Variants in AIPL1 observed in about 807,000 individuals in gnomAD.
AIPL1 encodes the protein aryl-hydrocarbon-interacting protein-like 1.
A neutral mutation model predicts 32.9 loss-of-function variants in AIPL1; 23 were observed. The observed-to-expected ratio is 0.70, with a 90% confidence interval of 0.50 to 0.99. The LOEUF (loss-of-function observed/expected upper bound fraction) is 0.99. AIPL1 is among the 50% of genes least tolerant of loss of function. The pLI is 0.00. For synonymous variants in AIPL1, 210 were observed against 209.4 expected, an observed-to-expected ratio of 1.00 and a Z score of -0.02; for missense variants, 485 against 506.0, an observed-to-expected ratio of 0.96 and a Z score of 0.40.
Position 6,435,048 on chromosome 17 carries a change from C to T in AIPL1, c.57G>A (p.Gly19=), listed in dbSNP as rs1597342903. ...VEGVKKTILH[G]GTGELPNFIT... is the part of the protein sequence containing the mutation. The stretch of plus-strand genomic sequence containing the variant: ...TGAAGTTTGGGAGCTCGCCCGTGCC[C>T]CCGTGCAGAATGGTTTTCTTGACCC... Residue 19 remains glycine, a synonymous_variant, in exon 1 of 6, where the codon GGG becomes GGA. Transcript: ENST00000381129. The T allele has an allele frequency of 6.2e-7, 1 of 1,614,198 alleles. No individual in the cohort carries two copies. The highest frequency in any genetic ancestry group is 8.5e-7 in the Non-Finnish European group (1 of 1,180,026).
intron 1 of AIPL1, 97 bp from the exon 2 acceptor site, chr17:6,434,195 T>C: frequency 7.4e-7 from 1 of 1,357,712 alleles, no homozygotes; most frequent in Non-Finnish European, 1.0e-6. Flanking sequence ...GTCCCCAGGG[T>C]CAGCTCACTC....
intron 2 of AIPL1, 138 bp downstream of exon 2, chr17:6,433,781 G>A (rs1912865295): frequency 1.8e-6 from 2 of 1,096,398 alleles, no homozygotes; most frequent in Admixed American, 2.0e-5. Context: ...GCACAGCGGT[G>A]GGGAATAAGT....
rs1278686032 is a variant in AIPL1, at chr17:6,425,534, C to G, written c.1081G>C (p.Glu361Gln). The G allele has an allele frequency of 5.0e-6, 8 of 1,612,174 alleles. No individual in the cohort carries two copies. In the Middle Eastern group the frequency reaches 6.6e-4, roughly 134 times the overall value. ...TCTGCAGGGGGCCCTGCGGACAGCT[C>G]TGCAGATGGTGCTGTGGGTGGCTCT... ...PAEPPTAPSA[E>Q]LSAGPPAEPA... The change falls in exon 6 of 6, where the codon GAG becomes CAG. Residue 361 changes from glutamate to glutamine, a missense_variant. Glu to Gln is a conservative substitution (Grantham distance 29). Transcript: ENST00000381129.
rs961540618 is a variant in AIPL1, at chr17:6,429,420, G to A, written c.277-914C>T. Among the ~76,000 whole-genome samples, 2 of 152,230 alleles carry A rather than the reference G, an allele frequency of 1.3e-5. 1 individual carries two copies. The highest frequency in any genetic ancestry group is 4.1e-4 in the South Asian group (2 of 4,832). On this transcript the variant is annotated intron_variant, in intron 2 of 5. Transcript: ENST00000381129. ...TCACCCTGCCCGCCCCACCGGCCGG[G>A]ATTAGCCCGAAATGCCTTCTGCCTC...
At position 6,433,804 on chromosome 17, in the gene AIPL1, C is replaced by CTTTG. The variant is rs1912868416; in HGVS notation, c.276+111_276+114dup. The CTTTG allele has an allele frequency of 3.8e-6, 5 of 1,325,202 alleles. No individual in the cohort carries two copies. The South Asian group carries it at 6.3e-5, about 17-fold the overall frequency. 82.1% of individuals were successfully genotyped at this position (1,325,202 alleles called of 1,614,324 possible). On this transcript the variant is annotated intron_variant, in intron 2 of 5. Coordinates refer to ENST00000381129, the MANE Select transcript of AIPL1 (RefSeq NM_014336.5). ...GTGGGGAATAAGTTTGCAGGACTGGCTTTGCAAAGCTTCGCTTGAGTCCCA... is the reference window on the plus strand; with the variant it reads ...GTGGGGAATAAGTTTGCAGGACTGGCTTTGTTTGCAAAGCTTCGCTTGAGTCCCA...
rs62635774 is a variant in AIPL1 at position 6,433,961 on chromosome 17, G to A, written c.234C>T (p.Ser78=). 429 of 1,613,838 alleles carry A rather than the reference G, an allele frequency of 2.7e-4. 3 individuals carry two copies. The African/African-American group carries it at 4.0e-3, about 15-fold the overall frequency. The change falls in exon 2 of 6, where the codon TCC becomes TCT. Residue 78 remains serine, a synonymous_variant. Coordinates refer to ENST00000381129, the MANE Select transcript of AIPL1 (RefSeq NM_014336.5). ...ACTCGGCCACCTCGTGCACCCGCAT[G>A]GAGGTAAGCAGGATCTCCCAGACCT... The part of the protein sequence containing the change: ...KLEVWEILLT[S]MRVHEVAEFW...
rs111779635 is a variant in AIPL1 at position 6,434,876 on chromosome 17, G to A, written c.96+133C>T. 3.7e-4 allele frequency: 556 copies of A among 1,490,080 alleles called. 4 individuals are homozygous for A. The African/African-American group carries it at 5.9e-3, about 16-fold the overall frequency. 92.3% of individuals were successfully genotyped at this position (1,490,080 alleles called of 1,614,324 possible). A position where few individuals can be genotyped will look rare whatever the true frequency, so the allele number is the denominator to read the frequency against. On this transcript the variant is annotated intron_variant, in intron 1 of 5. Transcript: ENST00000381129. ...AATGGGTAAACGCTGGGAGCTCCCC[G>A]GAGGCCCAGCGCTGGGGCTGCCTGG... is the stretch of plus-strand genomic sequence containing the variant.
chr17:6,425,518 G>A lies in AIPL1; in HGVS notation c.1097C>T (p.Pro366Leu), dbSNP rs768138603. The A allele has an allele frequency of 5.6e-6, 9 of 1,610,890 alleles. No homozygotes were observed. The Admixed American group carries it at 1.3e-4, about 24-fold the overall frequency. ...TAPSAELSAGPPAEPATEPPP... is the reference protein window; with the variant it reads ...TAPSAELSAGLPAEPATEPPP... The stretch of plus-strand genomic sequence containing the variant: ...TGGCTCTGTGGCTGGCTCTGCAGGG[G>A]GCCCTGCGGACAGCTCTGCAGATGG... The change falls in exon 6 of 6, where the codon CCC (proline) becomes CTC (leucine). Residue 366 changes from proline to leucine, a missense_variant. By Grantham distance (98) the Pro-to-Leu change is moderately conservative. Coordinates refer to ENST00000381129, the MANE Select transcript of AIPL1 (RefSeq NM_014336.5).
rs1225573827 is a variant in AIPL1, at chr17:6,424,865, A to G, written c.*595T>C. On this transcript the variant is annotated 3_prime_UTR_variant, in exon 6 of 6. Coordinates refer to ENST00000381129, the MANE Select transcript of AIPL1 (RefSeq NM_014336.5). Reference sequence around the variant, plus strand: ...TAGGCGTGAGCCACCGTGCCCGACCACAGCTGTTTTCTTCTACCCTACCAC... The same window carrying G: ...TAGGCGTGAGCCACCGTGCCCGACCGCAGCTGTTTTCTTCTACCCTACCAC... The G allele has an allele frequency of 6.6e-6, 1 of 152,226 alleles. No individual in the cohort carries two copies. Among genetic ancestry groups the G allele is most frequent in the African/African-American group, 2.4e-5 (1 of 41,424 alleles). The allele number at this position is 152,226 out of a possible 1,614,324, so 9.4% of individuals were successfully genotyped here. A position where few individuals can be genotyped will look rare whatever the true frequency, so the allele number is the denominator to read the frequency against.
intron 2 of AIPL1, among the ~76,000 whole-genome samples, chr17:6,429,164 AC>A (rs1912304143): frequency 6.6e-6 from 1 of 152,112 alleles, no homozygotes; most frequent in Non-Finnish European, 1.5e-5. Flanking sequence ...TGAGTTTGCC[AC>A]CCTTGGGATG....
At chr17:6,433,293 G>A (rs945731975) in intron 2 of AIPL1, among the ~76,000 whole-genome samples, 1 of 152,190 alleles carries the variant, frequency 6.6e-6, no homozygotes, top group Non-Finnish European at 1.5e-5. Flanking sequence ...ATCTAATCAT[G>A]CTGTATAAAA....
chr17:6,429,602 TGA>T (rs1912347113), intron 2 of AIPL1, among the ~76,000 whole-genome samples: 1 of 152,232 alleles, frequency 6.6e-6, no homozygotes, highest in African/African-American at 2.4e-5. Context: ...CCCAGCAAGC[TGA>T]GCGTGCTTTT....
At chr17:6,432,114 G>A (rs1304023046) in intron 2 of AIPL1, among the ~76,000 whole-genome samples, 2 of 152,192 alleles carry the variant, frequency 1.3e-5, no homozygotes. Context: ...GCCGAGCGTG[G>A]TGGCTCAGGC....
intron 2 of AIPL1, among the ~76,000 whole-genome samples, chr17:6,431,056 C>T (rs1346500984): frequency 6.6e-6 from 1 of 152,192 alleles, no homozygotes; most frequent in Admixed American, 6.5e-5. Context: ...AGGCATCTCA[C>T]CCAGATCTTT....
At position 6,428,497 on chromosome 17, in the gene AIPL1, C is replaced by T. The variant is rs62619924; in HGVS notation, c.286G>A (p.Val96Ile). 0.019 allele frequency: 30,595 copies of T among 1,613,566 alleles called. 382 individuals carry two copies. The highest frequency in any genetic ancestry group is 0.024 in the Non-Finnish European group (27,980 of 1,179,700). ...EFWCDTIHTG[V>I]YPILSRSLRQ... ...AGGCTCCGGGATAGGATGGGGTAGA[C>T]CCCCGTGTGCTGTGGGGATAAACGG... Residue 96 changes from valine to isoleucine, a missense_variant, in exon 3 of 6, where the codon GTC becomes ATC. Coordinates refer to ENST00000381129, the MANE Select transcript of AIPL1 (RefSeq NM_014336.5).
chr17:6,435,061 G>A lies in AIPL1; in HGVS notation c.44C>T (p.Thr15Ile). ...LLLNVEGVKK[T>I]ILHGGTGELP... ...CTCGCCCGTGCCCCCGTGCAGAATG[G>A]TTTTCTTGACCCCTTCCACGTTCAG... The change falls in exon 1 of 6, where the codon ACC (threonine) becomes ATC (isoleucine). Residue 15 changes from threonine (T) to isoleucine (I), a missense_variant. Coordinates refer to ENST00000381129, the MANE Select transcript of AIPL1 (RefSeq NM_014336.5). The A allele has an allele frequency of 6.2e-7, 1 of 1,614,220 alleles. No homozygotes were observed. The highest frequency in any genetic ancestry group is 8.5e-7 in the Non-Finnish European group (1 of 1,180,038).
intron 3 of AIPL1, among the ~76,000 whole-genome samples, chr17:6,427,639 GGGGAGTTCCAT>G (rs1279020231): frequency 6.6e-6 from 1 of 152,036 alleles, no homozygotes; most frequent in African/African-American, 2.4e-5. Context: ...GGGAGGATGT[GGGGAGTTCCAT>G]GCAGCCTCTC....
At chr17:6,434,772 G>A (rs1322131478) in intron 1 of AIPL1, among the ~76,000 whole-genome samples, 2 of 152,124 alleles carry the variant, frequency 1.3e-5, no homozygotes, top group Non-Finnish European at 2.9e-5. Context: ...CAACATTTAG[G>A]GCCCCAGAAA....
chr17:6,433,154 T>C (rs916857409), intron 2 of AIPL1, among the ~76,000 whole-genome samples: 1 of 152,182 alleles, frequency 6.6e-6, no homozygotes, highest in Non-Finnish European at 1.5e-5. Context: ...AGTTTTGCCA[T>C]AAGGCAAGGA....
Sources: allele counts gnomAD v4.1 joint callset (sites outside exome capture counted in the v4.1 genomes callset), GRCh38; gene constraint gnomAD v4.1.1; transcripts MANE v1.5; gene names NCBI Gene and HGNC (gene_info 2026-07-23, HGNC 2026-07-21).